Variants in SMAP1 observed in about 807,000 individuals in gnomAD.
SMAP1 encodes the protein stromal membrane-associated protein 1.
In SMAP1, 24 loss-of-function variants were observed where a neutral mutation model predicts 58.5. That is an observed-to-expected ratio of 0.41 (90% CI 0.30 to 0.58). SMAP1 has a LOEUF of 0.58. Among genes scored for constraint, SMAP1 ranks in the 20% least tolerant of loss-of-function variants. The pLI is 0.29. For missense variants in SMAP1, 563 were observed against 566.3 expected, an observed-to-expected ratio of 0.99 and a Z score of 0.06; for synonymous variants, 216 against 196.6, an observed-to-expected ratio of 1.10 and a Z score of -0.82.
intron 1 of SMAP1, among the ~76,000 whole-genome samples, chr6:70,691,523 G>A (rs187632844): frequency 6.6e-6 from 1 of 152,030 alleles, no homozygotes; most frequent in African/African-American, 2.4e-5. Context: ...TCACCCTGTT[G>A]TGTTATCAAA....
intron 1 of SMAP1, among the ~76,000 whole-genome samples, chr6:70,715,365 T>G: frequency 6.6e-6 from 1 of 152,108 alleles, no homozygotes; most frequent in Admixed American, 6.6e-5. Context: ...GTGTTGGGAT[T>G]ATGGGCATGA....
At chr6:70,753,344 TCTTA>T (rs748289625) in intron 2 of SMAP1, among the ~76,000 whole-genome samples, 2 of 152,296 alleles carry the variant, frequency 1.3e-5, no homozygotes, top group African/African-American at 4.8e-5. Context: ...TTTCAAATTT[TCTTA>T]CTTTTGCACT....
At chr6:70,687,062 C>A (rs1440442270) in intron 1 of SMAP1, among the ~76,000 whole-genome samples, 1 of 152,124 alleles carries the variant, frequency 6.6e-6, no homozygotes, top group Non-Finnish European at 1.5e-5. Flanking sequence ...AGCCATAAGG[C>A]TATTTAACCG....
intron 2 of SMAP1, among the ~76,000 whole-genome samples, chr6:70,739,534 T>G (rs941154646): frequency 2.6e-5 from 4 of 152,162 alleles, no homozygotes; most frequent in Non-Finnish European, 4.4e-5. Context: ...TATATTTAAA[T>G]ATAAAGTGAG....
chr6:70,806,998 T>G (rs1769162655), intron 6 of SMAP1, among the ~76,000 whole-genome samples: 1 of 152,198 alleles, frequency 6.6e-6, no homozygotes, highest in South Asian at 2.1e-4. Context: ...GGTTCTTTAT[T>G]GCAATTTAAA....
chr6:70,861,333 T>G lies in SMAP1; in HGVS notation c.*999T>G. On this transcript the variant is annotated 3_prime_UTR_variant, in exon 11 of 11. Transcript: ENST00000370455. ...CTACCAACCTGTTCAAGTCTACCAA[T>G]TATAAGGGCAAATTGGAGAAAAAGA... 2 of 232,168 alleles carry G rather than the reference T, an allele frequency of 8.6e-6. No homozygotes were observed. The highest frequency in any genetic ancestry group is 5.0e-5 in the Admixed American group (1 of 20,148). 14.4% of individuals were successfully genotyped at this position (232,168 alleles called of 1,614,324 possible).
intron 1 of SMAP1, among the ~76,000 whole-genome samples, chr6:70,719,095 CAGT>C (rs1768403398): frequency 6.6e-6 from 1 of 152,022 alleles, no homozygotes; most frequent in Non-Finnish European, 1.5e-5. Flanking sequence ...GACTCTTTAA[CAGT>C]AGCAGGTGAA....
chr6:70,687,763 A>G (rs928823800), intron 1 of SMAP1, among the ~76,000 whole-genome samples: 1 of 152,236 alleles, frequency 6.6e-6, no homozygotes, highest in Non-Finnish European at 1.5e-5. Flanking sequence ...TGATGTTGAT[A>G]CAACCCACCA....
chr6:70,668,010 G>A lies in SMAP1; in HGVS notation c.-14G>A. 6.3e-7 allele frequency: 1 copy of A among 1,576,932 alleles called. No individual in the cohort carries two copies. The highest frequency in any genetic ancestry group is 1.1e-5 in the South Asian group (1 of 87,406). On this transcript the variant is annotated 5_prime_UTR_variant, in exon 1 of 11. Transcript: ENST00000370455. ...CCGCCGTAGCTGCCCCAGGCTCCCC[G>A]CCCCGCTGCCGAGATGGCGACGCGC...
chr6:70,727,108 G>GT (rs1488932006), intron 1 of SMAP1, among the ~76,000 whole-genome samples: 4 of 151,360 alleles, frequency 2.6e-5, no homozygotes, highest in Admixed American at 1.3e-4. Context: ...GTCTTTTTTT[G>GT]TTTTTTGTTT....
chr6:70,850,759 T>C (rs1157389653), intron 7 of SMAP1, among the ~76,000 whole-genome samples: 1 of 151,876 alleles, frequency 6.6e-6, no homozygotes, highest in Non-Finnish European at 1.5e-5. Context: ...TATTCCTTAG[T>C]TGTGTTTTTA....
intron 1 of SMAP1, among the ~76,000 whole-genome samples, chr6:70,715,611 G>A (rs1768235807): frequency 1.3e-5 from 2 of 152,216 alleles, no homozygotes; most frequent in Admixed American, 1.3e-4. Context: ...TTTGGCACCA[G>A]CGACTGGTCT....
intron 2 of SMAP1, among the ~76,000 whole-genome samples, chr6:70,753,523 C>A (rs1312539772): frequency 6.6e-6 from 1 of 152,074 alleles, no homozygotes; most frequent in Non-Finnish European, 1.5e-5. Context: ...CATTTGAATG[C>A]TTGAGATGGA....
chr6:70,757,169 A>T (rs1447192774), intron 3 of SMAP1, among the ~76,000 whole-genome samples: 3 of 151,472 alleles, frequency 2.0e-5, no homozygotes, highest in Non-Finnish European at 4.4e-5. Flanking sequence ...ACCAAAACAG[A>T]GATATAGATC....
At chr6:70,737,460 G>T (rs546928488) in intron 2 of SMAP1, among the ~76,000 whole-genome samples, 1 of 152,214 alleles carries the variant, frequency 6.6e-6, no homozygotes, top group Admixed American at 6.5e-5. Flanking sequence ...AATGTATTTT[G>T]CATATTCCTT....
At chr6:70,852,181 G>C (rs987799299) in intron 7 of SMAP1, among the ~76,000 whole-genome samples, 3 of 152,016 alleles carry the variant, frequency 2.0e-5, no homozygotes, top group Non-Finnish European at 2.9e-5. Context: ...TAAATGAGTT[G>C]ATACATGTGA....
intron 10 of SMAP1, chr6:70,859,462 T>G (rs1004041759): frequency 8.1e-7 from 1 of 1,237,504 alleles, no homozygotes; most frequent in African/African-American, 1.5e-5. Context: ...GCCTGATTAG[T>G]GATGTAGTTT....
chr6:70,725,535 T>C (rs1476340741), intron 1 of SMAP1, among the ~76,000 whole-genome samples: 2 of 152,166 alleles, frequency 1.3e-5, no homozygotes, highest in Non-Finnish European at 2.9e-5. Flanking sequence ...GCCTGTGGTA[T>C]GGAAAGAGAA....
Position 70,668,091 on chromosome 6 carries a change from A to G in SMAP1, c.68A>G (p.Lys23Arg), listed in dbSNP as rs1447078469. The change falls in exon 1 of 11, where the codon AAG becomes AGG. Residue 23 changes from lysine (K) to arginine (R), a missense_variant. By Grantham distance (26) the Lys-to-Arg change is conservative. Around this residue, in one of 3 missense-constraint regions of SMAP1, gnomAD observed 52 missense variants for 46.6 expected, o/e 1.11. Transcript: ENST00000370455. ...GAGCAGCACCAGCTCATCCTATCCA[A>G]GCTTCTGAGGGAGGAGGACAACAAG... ...LNEQHQLILS[K>R]LLREEDNKYC... 1.2e-6 allele frequency: 2 copies of G among 1,605,016 alleles called. No individual in the cohort carries two copies. The highest frequency in any genetic ancestry group is 1.4e-5 in the African/African-American group (1 of 73,262).
Sources: allele counts gnomAD v4.1 joint callset (sites outside exome capture counted in the v4.1 genomes callset), GRCh38; gene constraint gnomAD v4.1.1; regional missense constraint gnomAD v4.1.1; transcripts MANE v1.5; gene names NCBI Gene and HGNC (gene_info 2026-07-23, HGNC 2026-07-21).